The following GOLM2 variants were observed in gnomAD, a reference collection of about 807,000 sequenced individuals.
GOLM2 encodes protein GOLM2.
Under a neutral mutation model 55.9 loss-of-function variants are expected in GOLM2, and 26 were observed. The observed-to-expected ratio is 0.47, with a 90% CI of 0.34 to 0.65. GOLM2 has a LOEUF of 0.65. Among genes scored for constraint, GOLM2 ranks in the 30% least tolerant of loss-of-function variants. The pLI is 0.01. For missense variants in GOLM2, 486 were observed against 531.8 expected (o/e 0.91, Z 0.85); for synonymous variants, 165 against 194.6 (o/e 0.85, Z 1.27).
chr15:44,344,295 A>ATATG (rs1377797497), intron 6 of GOLM2, among the ~76,000 whole-genome samples: 4 of 150,018 alleles, frequency 2.7e-5, no homozygotes, highest in African/African-American at 9.8e-5. Context: ...GTGTATATAT[A>ATATG]TATATATATA....
At chr15:44,358,597 G>A (rs1020009919) in intron 6 of GOLM2, among the ~76,000 whole-genome samples, 2 of 152,068 alleles carry the variant, frequency 1.3e-5, no homozygotes, top group African/African-American at 4.8e-5. Context: ...AAGAAGCAAA[G>A]GCAATACAAT....
At chr15:44,381,915 AGTGCTGGGATTACAGGCGTGATTCACT>A (rs1255915053) in intron 8 of GOLM2, among the ~76,000 whole-genome samples, 1 of 152,150 alleles carries the variant, frequency 6.6e-6, no homozygotes, top group Non-Finnish European at 1.5e-5. Flanking sequence ...AGCCTCACAA[AGTGCTGGGATTACAGGCGTGATTCACT>A]GTGCCCAGCC....
intron 9 of GOLM2, among the ~76,000 whole-genome samples, chr15:44,403,288 A>G (rs997714011): frequency 2.0e-5 from 3 of 151,900 alleles, no homozygotes; most frequent in Non-Finnish European, 2.9e-5. Flanking sequence ...TCAGCCTCCC[A>G]AGTAGCTGGG....
At chr15:44,393,881 T>A (rs1430917672) in intron 8 of GOLM2, among the ~76,000 whole-genome samples, 2 of 152,068 alleles carry the variant, frequency 1.3e-5, no homozygotes, top group Non-Finnish European at 2.9e-5. Context: ...TAGTTAGAGA[T>A]GAGGTTTCAC....
intron 8 of GOLM2, among the ~76,000 whole-genome samples, chr15:44,395,709 A>G (rs553327663): frequency 6.6e-5 from 10 of 151,570 alleles, no homozygotes; most frequent in East Asian, 3.9e-4. Flanking sequence ...GTGTGGTGGT[A>G]CGCGCCTGTA....
chr15:44,360,347 C>G (rs1010525310), intron 6 of GOLM2, among the ~76,000 whole-genome samples: 2 of 152,072 alleles, frequency 1.3e-5, no homozygotes, highest in Non-Finnish European at 2.9e-5. Context: ...AAAATAGAAG[C>G]ATGGAGAAAG....
At chr15:44,382,261 A>G (rs2141195254) in intron 8 of GOLM2, 1 of 152,288 alleles carries the variant, frequency 6.6e-6, no homozygotes, top group South Asian at 2.1e-4. Context: ...CAGTAAGAGC[A>G]TAACAAATAA....
chr15:44,303,713 G>A (rs183975227), intron 1 of GOLM2, among the ~76,000 whole-genome samples: 33 of 150,394 alleles, frequency 2.2e-4, no homozygotes, highest in Admixed American at 1.9e-3. Flanking sequence ...CTACAAACTT[G>A]TGCCATCACA....
At chr15:44,366,571 C>T (rs1403245373) in intron 6 of GOLM2, among the ~76,000 whole-genome samples, 3 of 152,114 alleles carry the variant, frequency 2.0e-5, no homozygotes, top group Non-Finnish European at 4.4e-5. Flanking sequence ...GGGATTGAGG[C>T]TGCAGTGAAC....
intron 6 of GOLM2, among the ~76,000 whole-genome samples, chr15:44,365,426 C>T (rs1316665894): frequency 2.0e-5 from 3 of 151,954 alleles, no homozygotes; most frequent in African/African-American, 7.3e-5. Context: ...ACCCAGGACG[C>T]TGAGGTGAGA....
intron 1 of GOLM2, among the ~76,000 whole-genome samples, chr15:44,292,201 A>T (rs777086945): frequency 0.026 from 3,130 of 119,970 alleles, 98 homozygotes; most frequent in African/African-American, 0.096. Flanking sequence ...ATATATATAT[A>T]TTTTTTTTTT....
chr15:44,355,172 T>C, intron 6 of GOLM2: 1 of 190,570 alleles, frequency 5.2e-6, no homozygotes, highest in Non-Finnish European at 1.1e-5. Flanking sequence ...CTGACCAAGA[T>C]CATCCATGAT....
chr15:44,338,119 A>T, intron 5 of GOLM2, 118 bp from the exon 6 acceptor site: 1 of 1,036,794 alleles, frequency 9.6e-7, no homozygotes, highest in South Asian at 1.5e-5. Flanking sequence ...AGCAAGAGGT[A>T]AAGATGTTCA....
intron 4 of GOLM2, among the ~76,000 whole-genome samples, chr15:44,335,586 A>T (rs1002215203): frequency 6.6e-6 from 1 of 152,210 alleles, no homozygotes; most frequent in African/African-American, 2.4e-5. Flanking sequence ...ATGCACAGAC[A>T]TGCAAGCTGG....
At chr15:44,405,980 G>A (rs934786977) in intron 9 of GOLM2, among the ~76,000 whole-genome samples, 1 of 152,090 alleles carries the variant, frequency 6.6e-6, no homozygotes, top group African/African-American at 2.4e-5. Context: ...AGGTAATTAT[G>A]GCTGTTCCCT....
intron 1 of GOLM2, among the ~76,000 whole-genome samples, chr15:44,305,490 G>T (rs1238850092): frequency 2.6e-5 from 4 of 151,836 alleles, no homozygotes; most frequent in Non-Finnish European, 5.9e-5. Flanking sequence ...GTAGAGACAG[G>T]GTCTCCCCAT....
chr15:44,299,360 T>C (rs184054282), intron 1 of GOLM2, among the ~76,000 whole-genome samples: 50 of 151,930 alleles, frequency 3.3e-4, no homozygotes, highest in African/African-American at 1.1e-3. Context: ...TGGCGCGATC[T>C]CAGCTCACTG....
In GOLM2 at chr15:44,312,421, TG is replaced by T. The variant is rs543168102; in HGVS notation, c.328-10542del. Among the ~76,000 whole-genome samples, 254 of 152,230 alleles carry T rather than the reference TG, an allele frequency of 1.7e-3. 1 individual carries two copies. The highest frequency in any genetic ancestry group is 5.9e-3 in the African/African-American group (246 of 41,528). On this transcript the variant is annotated intron_variant, in intron 1 of 9. Coordinates refer to ENST00000299957, the MANE Select transcript of GOLM2 (RefSeq NM_138423.4). ...TCTTGTCTCCTGCTTGACCAAGAAT[TG>T]GACTGATAAAACTTTAACTACCAAA...
intron 4 of GOLM2, among the ~76,000 whole-genome samples, chr15:44,333,691 A>T (rs1213472821): frequency 6.6e-6 from 1 of 152,114 alleles, no homozygotes; most frequent in African/African-American, 2.4e-5. Context: ...GTAGTATATA[A>T]ATAATGGGAT....
Sources: allele counts gnomAD v4.1 joint callset (sites outside exome capture counted in the v4.1 genomes callset), GRCh38; gene constraint gnomAD v4.1.1; transcripts MANE v1.5; gene names NCBI Gene and HGNC (gene_info 2026-07-23, HGNC 2026-07-21).